GBX1: variants seen among roughly 807,000 people sequenced by gnomAD.
The protein encoded by GBX1 is homeobox protein GBX-1.
GBX1 carries 9 observed loss-of-function variants against 22.9 expected under a neutral mutation model. That is an observed-to-expected ratio of 0.39 (90% CI 0.24 to 0.69). The LOEUF (loss-of-function observed/expected upper bound fraction) is 0.69. Ranked by LOEUF, GBX1 falls within the 30% of genes least tolerant of loss-of-function variation. The pLI is 0.43. For synonymous variants in GBX1, 203 were observed against 227.3 expected, an observed-to-expected ratio of 0.89 and a Z score of 0.96; for missense variants, 494 against 509.2, an observed-to-expected ratio of 0.97 and a Z score of 0.29.
At position 151,154,939 on chromosome 7, in the gene GBX1, G is replaced by A. The variant is rs535322699; in HGVS notation, c.539-5797C>T. Among the ~76,000 whole-genome samples the A allele has an allele frequency of 5.3e-5, 8 of 152,228 alleles. No individual in the cohort carries two copies. The East Asian group carries it at 5.8e-4, about 11-fold the overall frequency. On this transcript the variant is annotated intron_variant, in intron 1 of 1. Transcript: ENST00000297537. ...CAGGGAGGCCTGCGCTAGAGGCACC[G>A]AGGAGGAGGAGGAAAAGCCAGAGGG... is the stretch of plus-strand genomic sequence containing the variant.
Position 151,167,054 on chromosome 7 carries a change from T to C in GBX1, c.495A>G (p.Pro165=). ...PAREKVAEPP[P]PPPPHFSETF... ...TCTCTGAGAAGTGCGGAGGCGGAGG[T>C]GGTGGGGGCTCTGCCACTTTCTCCC... The change falls in exon 1 of 2, where the codon CCA becomes CCG. Residue 165 remains proline (P), a synonymous_variant. Transcript: ENST00000297537. This position sits in a 1 kb window ranked among gnomAD's most constrained non-coding sequence, Gnocchi z 5.9. The C allele has an allele frequency of 6.2e-7, 1 of 1,601,976 alleles. No homozygotes were observed. Among genetic ancestry groups the C allele is most frequent in the Non-Finnish European group, 8.5e-7 (1 of 1,175,986 alleles).
At chr7:151,163,058 G>A (rs746873359) in intron 1 of GBX1, among the ~76,000 whole-genome samples, 23 of 151,866 alleles carry the variant, frequency 1.5e-4, no homozygotes, top group Non-Finnish European at 2.9e-4. Context: ...TGCCCATCTC[G>A]GCCTCCCAAA....
intron 1 of GBX1, 32 bp downstream of exon 1, chr7:151,166,979 T>G (rs532100212): frequency 1.3e-6 from 2 of 1,595,912 alleles, no homozygotes; most frequent in African/African-American, 2.8e-5. Flanking sequence ...TGAACCGGCC[T>G]CCCGCCAGCC....
chr7:151,161,507 C>T (rs910568059), intron 1 of GBX1, among the ~76,000 whole-genome samples: 5 of 152,112 alleles, frequency 3.3e-5, no homozygotes, highest in African/African-American at 1.2e-4. Context: ...CTGGTAAAGC[C>T]TATGAACACT....
chr7:151,149,050 C>T lies in GBX1; in HGVS notation c.631G>A (p.Gly211Ser), dbSNP rs769215052. Residue 211 changes from glycine to serine, a missense_variant, in exon 2 of 2, where the codon GGT (glycine) becomes AGT (serine). By Grantham distance (56) the Gly-to-Ser change is moderately conservative (BLOSUM62 0). Transcript: ENST00000297537. ...AGGAAACCGTCATCCTCGCTGTCAC[C>T]GCCTGAGCCCTCTTCCTCCTGTTCG... ...GSEQEEEGSG[G>S]DSEDDGFLDS... 1.2e-5 allele frequency: 20 copies of T among 1,613,928 alleles called. No homozygotes were observed. The highest frequency in any genetic ancestry group is 7.7e-5 in the South Asian group (7 of 91,076).
At chr7:151,150,009 T>G (rs1467090188) in intron 1 of GBX1, 1 of 453,074 alleles carries the variant, frequency 2.2e-6, no homozygotes, top group African/African-American at 2.0e-5. Context: ...AAGCTTGATG[T>G]CAGCTGGGAG....
intron 1 of GBX1, 109 bp downstream of exon 1, chr7:151,166,902 C>T: frequency 1.8e-6 from 2 of 1,112,564 alleles, no homozygotes; most frequent in South Asian, 2.7e-5. Flanking sequence ...AGGTCTGGGA[C>T]TTCAAGGCTC....
At chr7:151,166,885 G>A in intron 1 of GBX1, 126 bp downstream of exon 1, 1 of 896,450 alleles carries the variant, frequency 1.1e-6, no homozygotes, top group South Asian at 1.5e-5. Flanking sequence ...ACCTGCGCGC[G>A]ATCTAAAGGT....
rs370544532 is a variant in GBX1 at position 151,163,652 on chromosome 7, T to A, written c.538+3359A>T. On this transcript the variant is annotated intron_variant, in intron 1 of 1. Transcript: ENST00000297537. ...CATCTTGAGTTAAATAAAATTAAAATTAATTTTACCTATTTTTATCTTTTT... is the reference window on the plus strand; with the variant it reads ...CATCTTGAGTTAAATAAAATTAAAAATAATTTTACCTATTTTTATCTTTTT... Among the ~76,000 whole-genome samples, 8 of 152,344 alleles carry A rather than the reference T, an allele frequency of 5.3e-5. No homozygotes were observed. In the East Asian group the frequency reaches 7.7e-4, roughly 15 times the overall value.
intron 1 of GBX1, among the ~76,000 whole-genome samples, chr7:151,151,540 C>T (rs1801079518): frequency 6.6e-6 from 1 of 152,146 alleles, no homozygotes; most frequent in African/African-American, 2.4e-5. Flanking sequence ...AGATCATTCC[C>T]CCAAACCAGC....
intron 1 of GBX1, among the ~76,000 whole-genome samples, chr7:151,151,114 GT>G (rs1260307478): frequency 1.3e-5 from 2 of 152,166 alleles, no homozygotes; most frequent in African/African-American, 2.4e-5. Flanking sequence ...CCTCGAAGGT[GT>G]TTTCATCCCT....
At chr7:151,164,729 C>CA (rs1011181172) in intron 1 of GBX1, among the ~76,000 whole-genome samples, 13 of 143,272 alleles carry the variant, frequency 9.1e-5, no homozygotes, top group East Asian at 2.0e-4. Flanking sequence ...TTATTCTTGG[C>CA]AAAAAAAATT....
chr7:151,167,343 C>T lies in GBX1; in HGVS notation c.206G>A (p.Gly69Asp). 1 of 1,509,066 alleles carries T rather than the reference C, an allele frequency of 6.6e-7. No homozygotes were observed. The allele number at this position is 1,509,066 out of a possible 1,614,324, so 93.5% of individuals were successfully genotyped here. Residue 69 changes from glycine to aspartate, a missense_variant, in exon 1 of 2, where the codon GGC becomes GAC. Physicochemically the swap from Gly to Asp is moderately conservative, Grantham distance 94 (BLOSUM62 -1). Transcript: ENST00000297537. This position sits in a 1 kb window ranked among gnomAD's most constrained non-coding sequence, Gnocchi z 5.9. ...QALAPAPLPA[G>D]LPPLAPLASF... ...GGCTAGCGGGGCGAGGGGCGGGAGGCCAGCGGGCAGCGGCGCAGGGGCCAG... is the reference window on the plus strand; with the variant it reads ...GGCTAGCGGGGCGAGGGGCGGGAGGTCAGCGGGCAGCGGCGCAGGGGCCAG...
intron 1 of GBX1, among the ~76,000 whole-genome samples, chr7:151,153,551 T>C (rs1368818350): frequency 2.0e-5 from 2 of 97,752 alleles, no homozygotes; most frequent in Non-Finnish European, 5.1e-5. Flanking sequence ...AAGCAAATCT[T>C]TTTTTTTTTT....
intron 1 of GBX1, among the ~76,000 whole-genome samples, chr7:151,159,371 GA>G (rs540843058): frequency 5.3e-5 from 8 of 152,222 alleles, no homozygotes; most frequent in African/African-American, 1.7e-4. Context: ...CCCAGGCAGA[GA>G]CTGAATTTTT....
At chr7:151,163,695 A>AT (rs1185458426) in intron 1 of GBX1, among the ~76,000 whole-genome samples, 1 of 152,208 alleles carries the variant, frequency 6.6e-6, no homozygotes, top group Non-Finnish European at 1.5e-5. Flanking sequence ...CTAATAAAAA[A>AT]TTTTTAATGA....
At chr7:151,162,290 C>T (rs1447231175) in intron 1 of GBX1, among the ~76,000 whole-genome samples, 1 of 152,170 alleles carries the variant, frequency 6.6e-6, no homozygotes. Context: ...TTATCATTTT[C>T]TGTTTTCCTC....
chr7:151,167,153 G>C lies in GBX1; in HGVS notation c.396C>G (p.Ala132=), dbSNP rs13241978. 0.24 allele frequency: 385,108 copies of C among 1,595,606 alleles called. 48,104 individuals carry two copies. The highest frequency in any genetic ancestry group is 0.37 in the East Asian group (15,984 of 43,528). Reference sequence around the variant, plus strand: ...CGCCTGGCTCGGGGTTGTTTCGGGCGGCAGTGGCGGCGGCGGCGGCAGCGG... The same window carrying C: ...CGCCTGGCTCGGGGTTGTTTCGGGCCGCAGTGGCGGCGGCGGCGGCAGCGG... ...AAAAAAAAAT[A]ARNNPEPGGR... The change falls in exon 1 of 2, where the codon GCC becomes GCG. Residue 132 remains alanine, a synonymous_variant. Coordinates refer to ENST00000297537, the MANE Select transcript of GBX1 (RefSeq NM_001098834.3). The surrounding 1 kb of genome is among the most constrained non-coding windows in gnomAD (Gnocchi z 5.9).
chr7:151,167,593 C>T lies in GBX1; in HGVS notation c.-45G>A. ...GCCCCGGGGCGCTCCTCTCTGGGCGCCTCCGTGCGCCCCGCGGCTCGGGCG... is the reference window on the plus strand; with the variant it reads ...GCCCCGGGGCGCTCCTCTCTGGGCGTCTCCGTGCGCCCCGCGGCTCGGGCG... On this transcript the variant is annotated 5_prime_UTR_variant, in exon 1 of 2. Transcript: ENST00000297537. This position sits in a 1 kb window ranked among gnomAD's most constrained non-coding sequence, Gnocchi z 5.9. 7.8e-7 allele frequency: 1 copy of T among 1,284,914 alleles called. No individual in the cohort carries two copies. The highest frequency in any genetic ancestry group is 2.6e-5 in the South Asian group (1 of 38,302). 79.6% of individuals were successfully genotyped at this position (1,284,914 alleles called of 1,614,324 possible). A position where few individuals can be genotyped will look rare whatever the true frequency, so the allele number is the denominator to read the frequency against.
Sources: gnomAD v4.1 joint callset for allele counts (sites outside exome capture counted in the v4.1 genomes callset) on GRCh38, gnomAD v4.1.1 for gene constraint, Gnocchi (gnomAD v3.1) non-coding constraint, MANE v1.5 for transcripts, NCBI Gene and HGNC (gene_info 2026-07-23, HGNC 2026-07-21) for gene names.